Variants in LYPD6B observed in about 807,000 individuals in gnomAD.
LYPD6B encodes ly6/PLAUR domain-containing protein 6B.
LYPD6B carries 17 observed loss-of-function variants against 22.8 expected under a neutral mutation model. The observed-to-expected ratio is 0.75, with a 90% CI of 0.51 to 1.12. The LOEUF is 1.12. Among genes scored for constraint, LYPD6B ranks in the 50% most tolerant of loss-of-function variants. LYPD6B has a pLI of 0.00. For missense variants in LYPD6B, 221 were observed against 258.3 expected, an observed-to-expected ratio of 0.86 and a Z score of 0.99; for synonymous variants, 106 against 91.6, an observed-to-expected ratio of 1.16 and a Z score of -0.90.
intron 3 of LYPD6B, among the ~76,000 whole-genome samples, chr2:149,185,626 G>A (rs1243769225): frequency 6.6e-6 from 1 of 152,178 alleles, no homozygotes; most frequent in Non-Finnish European, 1.5e-5. Flanking sequence ...GAAGGAGGCT[G>A]ATTTGGAAAA....
chr2:149,213,846 T>C (rs1694029631), intron 6 of LYPD6B, among the ~76,000 whole-genome samples: 1 of 152,146 alleles, frequency 6.6e-6, no homozygotes. Context: ...TTTTAAAAAG[T>C]TCCCCGAGGT....
chr2:149,103,873 T>C (rs557214444), intron 1 of LYPD6B, among the ~76,000 whole-genome samples: 29 of 141,326 alleles, frequency 2.1e-4, no homozygotes, highest in African/African-American at 5.8e-4. Context: ...GGCTCCCGGG[T>C]GCAAGCAATT....
At chr2:149,055,821 G>A (rs1683763341) in intron 1 of LYPD6B, among the ~76,000 whole-genome samples, 1 of 152,164 alleles carries the variant, frequency 6.6e-6, no homozygotes, top group African/African-American at 2.4e-5. Flanking sequence ...TCCAAATGGA[G>A]GTAGTATTAC....
intron 3 of LYPD6B, among the ~76,000 whole-genome samples, chr2:149,163,783 T>G (rs1690245850): frequency 6.6e-6 from 1 of 152,158 alleles, no homozygotes; most frequent in Admixed American, 6.5e-5. Flanking sequence ...CATTCTCTTG[T>G]TTTGGGAAGG....
At chr2:149,160,263 T>G (rs776509657) in intron 2 of LYPD6B, among the ~76,000 whole-genome samples, 7 of 152,240 alleles carry the variant, frequency 4.6e-5, no homozygotes, top group Non-Finnish European at 1.0e-4. Context: ...TCCAGTTCCC[T>G]CCCACCTCCT....
intron 3 of LYPD6B, among the ~76,000 whole-genome samples, chr2:149,186,957 C>T (rs1468893784): frequency 6.6e-6 from 1 of 152,200 alleles, no homozygotes; most frequent in Non-Finnish European, 1.5e-5. Flanking sequence ...AACCACCACC[C>T]TGATGAGTCA....
At chr2:149,103,070 A>G (rs969699103) in intron 1 of LYPD6B, among the ~76,000 whole-genome samples, 1 of 152,188 alleles carries the variant, frequency 6.6e-6, no homozygotes, top group Non-Finnish European at 1.5e-5. Context: ...TGTGGTTCAA[A>G]TCTGCTGTCT....
intron 1 of LYPD6B, among the ~76,000 whole-genome samples, chr2:149,066,901 C>T (rs1487777663): frequency 6.6e-6 from 1 of 152,060 alleles, no homozygotes; most frequent in Non-Finnish European, 1.5e-5. Flanking sequence ...TACAATTGAT[C>T]TTGTCACCCA....
At chr2:149,044,427 T>G (rs1467916928) in intron 1 of LYPD6B, among the ~76,000 whole-genome samples, 1 of 152,080 alleles carries the variant, frequency 6.6e-6, no homozygotes, top group Admixed American at 6.5e-5. Flanking sequence ...TTTTGTGTGT[T>G]GGTATTGTAT....
intron 1 of LYPD6B, among the ~76,000 whole-genome samples, chr2:149,114,028 C>T (rs1242296834): frequency 1.3e-5 from 2 of 152,182 alleles, no homozygotes; most frequent in African/African-American, 4.8e-5. Context: ...ATTCCTTCCT[C>T]TTTCCCTCTG....
chr2:149,214,751 C>T lies in LYPD6B; in HGVS notation c.*41C>T. Reference sequence around the variant, plus strand: ...GAGAGGCAGAGACCAGCCTCTAAAGCACAAGCCAAAAACTGTGTGAACGGT... The same window carrying T: ...GAGAGGCAGAGACCAGCCTCTAAAGTACAAGCCAAAAACTGTGTGAACGGT... On this transcript the variant is annotated 3_prime_UTR_variant, in exon 7 of 7. Transcript: ENST00000409642. The T allele has an allele frequency of 1.2e-6, 2 of 1,601,428 alleles. No individual in the cohort carries two copies. The highest frequency in any genetic ancestry group is 2.2e-5 in the South Asian group (2 of 90,702).
intron 2 of LYPD6B, among the ~76,000 whole-genome samples, chr2:149,141,720 C>A (rs994667877): frequency 2.0e-5 from 3 of 152,162 alleles, no homozygotes; most frequent in Non-Finnish European, 2.9e-5. Flanking sequence ...TTTCCCAGGG[C>A]AACTATAACA....
intron 3 of LYPD6B, among the ~76,000 whole-genome samples, chr2:149,199,879 T>C (rs1446411687): frequency 1.3e-5 from 2 of 152,174 alleles, no homozygotes; most frequent in African/African-American, 4.8e-5. Context: ...AGTGAGCACC[T>C]GGTCTTGACT....
chr2:149,178,854 T>C (rs1271760173), intron 3 of LYPD6B, among the ~76,000 whole-genome samples: 1 of 152,102 alleles, frequency 6.6e-6, no homozygotes, highest in African/African-American at 2.4e-5. Flanking sequence ...CTCTCCACCT[T>C]CCCCGATGGA....
At chr2:149,197,146 C>A (rs965480946) in intron 3 of LYPD6B, among the ~76,000 whole-genome samples, 8 of 152,192 alleles carry the variant, frequency 5.3e-5, no homozygotes, top group Non-Finnish European at 7.3e-5. Context: ...AAAAACAAAT[C>A]TTTCATTTAT....
intron 3 of LYPD6B, among the ~76,000 whole-genome samples, chr2:149,203,274 T>A (rs1464066064): frequency 6.6e-6 from 1 of 152,156 alleles, no homozygotes; most frequent in Non-Finnish European, 1.5e-5. Flanking sequence ...GTAGATAACG[T>A]GACACTGAAA....
At chr2:149,145,243 A>G (rs1688945761) in intron 2 of LYPD6B, among the ~76,000 whole-genome samples, 1 of 152,162 alleles carries the variant, frequency 6.6e-6, no homozygotes, top group East Asian at 1.9e-4. Flanking sequence ...CAATAGCTTC[A>G]TCCATTCACA....
chr2:149,194,288 T>C (rs1039900607), intron 3 of LYPD6B, among the ~76,000 whole-genome samples: 1 of 152,024 alleles, frequency 6.6e-6, no homozygotes, highest in Non-Finnish European at 1.5e-5. Flanking sequence ...CGTTGCAACA[T>C]TGCCTGTAAT....
At chr2:149,183,505 T>A (rs1343564794) in intron 3 of LYPD6B, among the ~76,000 whole-genome samples, 1 of 152,194 alleles carries the variant, frequency 6.6e-6, no homozygotes, top group Non-Finnish European at 1.5e-5. Context: ...TAGATTTGTT[T>A]TCTGCAGATG....
Sources: gnomAD v4.1 joint callset for allele counts (sites outside exome capture counted in the v4.1 genomes callset) on GRCh38, gnomAD v4.1.1 for gene constraint, MANE v1.5 for transcripts, NCBI Gene and HGNC (gene_info 2026-07-23, HGNC 2026-07-21) for gene names.